Variants in PPP1R15B observed in about 807,000 individuals in gnomAD.
PPP1R15B encodes the protein protein phosphatase 1 regulatory subunit 15B, also known as protein phosphatase 1, regulatory (inhibitor) subunit 15B.
PPP1R15B carries 31 observed loss-of-function variants against 53.9 expected under a neutral mutation model. The ratio of observed to expected loss-of-function variants is 0.58; its 90% CI spans 0.43 to 0.78. The LOEUF is 0.78. Among genes scored for constraint, PPP1R15B ranks in the 30% least tolerant of loss-of-function variants. The pLI is 0.00. For synonymous variants in PPP1R15B, 345 were observed against 329.1 expected, an observed-to-expected ratio of 1.05 and a Z score of -0.52; for missense variants, 928 against 849.6, an observed-to-expected ratio of 1.09 and a Z score of -1.15.
rs1226757703 is a variant in PPP1R15B at position 204,411,770 on chromosome 1, G to A, written c.-359C>T. 1 of 302,338 alleles carries A rather than the reference G, an allele frequency of 3.3e-6. No individual in the cohort carries two copies. 18.7% of individuals were successfully genotyped at this position (302,338 alleles called of 1,614,324 possible). On this transcript the variant is annotated 5_prime_UTR_variant, in exon 1 of 2. Transcript: ENST00000367188. ...AAAAGCCCCTGAGCAACGCGATACCGGAAGGACTGGGTAGGCCGGCTGGTG... is the reference window on the plus strand; with the variant it reads ...AAAAGCCCCTGAGCAACGCGATACCAGAAGGACTGGGTAGGCCGGCTGGTG...
At position 204,411,042 on chromosome 1, in the gene PPP1R15B, A is replaced by G. The variant is rs770368076; in HGVS notation, c.370T>C (p.Leu124=). Residue 124 remains leucine, a synonymous_variant, in exon 1 of 2, where the codon TTG becomes CTG. Transcript: ENST00000367188. The part of the protein sequence containing the change: ...KPAAPTAQKS[L]SSLQLDSSDP... ...GAGGAGTCGAGCTGCAGCGAACTCA[A>G]AGATTTCTGCGCTGTGGGGGCGGCT... 5.0e-6 allele frequency: 8 copies of G among 1,614,160 alleles called. No individual in the cohort carries two copies. The highest frequency in any genetic ancestry group is 3.4e-6 in the Non-Finnish European group (4 of 1,180,016).
chr1:204,408,380 T>C (rs1558215725), intron 1 of PPP1R15B, among the ~76,000 whole-genome samples: 1 of 152,262 alleles, frequency 6.6e-6, no homozygotes, highest in Non-Finnish European at 1.5e-5. Context: ...ATTTAATCTT[T>C]AACATGACTT....
At chr1:204,400,349 A>T (rs2942129), downstream of PPP1R15B, among the ~76,000 whole-genome samples, 126,814 of 151,070 alleles carry the variant, frequency 0.84, 53,891 homozygotes, top group Non-Finnish European at 0.91. Context: ...CATCTTTTTT[A>T]TTTTCAACAT....
downstream of PPP1R15B, chr1:204,400,847 A>C (rs1397972918): frequency 2.7e-6 from 1 of 374,408 alleles, no homozygotes; most frequent in African/African-American, 2.1e-5. Flanking sequence ...GGAAACATAA[A>C]GGATATTACT....
At position 204,405,852 on chromosome 1, in the gene PPP1R15B, C is replaced by A. The variant is rs75289486; in HGVS notation, c.*240G>T. 9 of 1,255,494 alleles carry A rather than the reference C, an allele frequency of 7.2e-6. No homozygotes were observed. In the East Asian group the frequency reaches 3.1e-4, roughly 43 times the overall value. 77.8% of individuals were successfully genotyped at this position (1,255,494 alleles called of 1,614,324 possible). On this transcript the variant is annotated 3_prime_UTR_variant, in exon 2 of 2. Transcript: ENST00000367188. Reference sequence around the variant, plus strand: ...AGGCAAAGGACATTTAAAAGCACATCCAACTAAATCAAAAAAGGGAGGATT... The same window carrying A: ...AGGCAAAGGACATTTAAAAGCACATACAACTAAATCAAAAAAGGGAGGATT...
chr1:204,405,477 T>C lies in PPP1R15B; in HGVS notation c.*615A>G, dbSNP rs1674248905. Reference sequence around the variant, plus strand: ...GAAATATCCTAGGTAGAACTTAATGTAGAAATAAAAAGGCTACCACATATT... The same window carrying C: ...GAAATATCCTAGGTAGAACTTAATGCAGAAATAAAAAGGCTACCACATATT... On this transcript the variant is annotated 3_prime_UTR_variant, in exon 2 of 2. Coordinates refer to ENST00000367188, the MANE Select transcript of PPP1R15B (RefSeq NM_032833.5). 1 of 983,624 alleles carries C rather than the reference T, an allele frequency of 1.0e-6. No homozygotes were observed. The highest frequency in any genetic ancestry group is 1.8e-5 in the African/African-American group (1 of 57,122). 60.9% of individuals were successfully genotyped at this position (983,624 alleles called of 1,614,324 possible).
chr1:204,404,595 T>G lies in PPP1R15B; in HGVS notation c.*1497A>C. On this transcript the variant is annotated 3_prime_UTR_variant, in exon 2 of 2. Coordinates refer to ENST00000367188, the MANE Select transcript of PPP1R15B (RefSeq NM_032833.5). ...TGTTTAATTATGAATATATAAACAGTGGAGGCAGTTCTTAGAACTGGATAG... is the reference window on the plus strand; with the variant it reads ...TGTTTAATTATGAATATATAAACAGGGGAGGCAGTTCTTAGAACTGGATAG... The G allele has an allele frequency of 4.1e-6, 4 of 985,076 alleles. No homozygotes were observed. The highest frequency in any genetic ancestry group is 4.8e-6 in the Non-Finnish European group (4 of 829,322). The allele number at this position is 985,076 out of a possible 1,614,324, so 61.0% of individuals were successfully genotyped here.
rs1174050922 is a variant in PPP1R15B at position 204,405,855 on chromosome 1, A to T, written c.*237T>A. 2 of 1,267,944 alleles carry T rather than the reference A, an allele frequency of 1.6e-6. No homozygotes were observed. The highest frequency in any genetic ancestry group is 3.7e-5 in the Admixed American group (1 of 27,290). The allele number at this position is 1,267,944 out of a possible 1,614,324, so 78.5% of individuals were successfully genotyped here. On this transcript the variant is annotated 3_prime_UTR_variant, in exon 2 of 2. Transcript: ENST00000367188. ...CAAAGGACATTTAAAAGCACATCCA[A>T]CTAAATCAAAAAAGGGAGGATTAGA... is the stretch of plus-strand genomic sequence containing the variant.
In PPP1R15B at chr1:204,404,155, T is replaced by C. The variant is rs1674223549; in HGVS notation, c.*1937A>G. ...TTGCTGTTGCTTGAAACTAGCCTGT[T>C]TTCATGTTATTAGACCATCCTGTAA... On this transcript the variant is annotated 3_prime_UTR_variant, in exon 2 of 2. Transcript: ENST00000367188. 4.1e-6 allele frequency: 4 copies of C among 985,276 alleles called. No individual in the cohort carries two copies. The highest frequency in any genetic ancestry group is 4.8e-6 in the Non-Finnish European group (4 of 829,940). The allele number at this position is 985,276 out of a possible 1,614,324, so 61.0% of individuals were successfully genotyped here.
Position 204,411,599 on chromosome 1 carries a change from G to C in PPP1R15B, c.-188C>G, listed in dbSNP as rs549775777. On this transcript the variant is annotated 5_prime_UTR_variant, in exon 1 of 2. Coordinates refer to ENST00000367188, the MANE Select transcript of PPP1R15B (RefSeq NM_032833.5). ...GCGGCAGCGGGCGGCAGAACACAGG[G>C]AAGAACAGCCCGCGCAATAGGCGGC... The C allele has an allele frequency of 1.4e-5, 10 of 725,470 alleles. No homozygotes were observed. The highest frequency in any genetic ancestry group is 2.7e-5 in the East Asian group (1 of 37,380). 44.9% of individuals were successfully genotyped at this position (725,470 alleles called of 1,614,324 possible).
downstream of PPP1R15B, among the ~76,000 whole-genome samples, chr1:204,396,390 A>T (rs111865375): frequency 7.2e-6 from 1 of 138,904 alleles, no homozygotes. Flanking sequence ...AAACAAAAAA[A>T]AAAAAACAAA....
At chr1:204,406,786 G>A (rs1018390610) in intron 1 of PPP1R15B, among the ~76,000 whole-genome samples, 3 of 151,836 alleles carry the variant, frequency 2.0e-5, no homozygotes, top group African/African-American at 7.3e-5. Flanking sequence ...ATGGCATTTG[G>A]ATAAAATAGT....
downstream of PPP1R15B, among the ~76,000 whole-genome samples, chr1:204,396,283 A>T (rs948953995): frequency 1.3e-5 from 2 of 151,484 alleles, no homozygotes; most frequent in Admixed American, 6.6e-5. Context: ...CAAAACAGGC[A>T]GATCTCTTGA....
chr1:204,406,158 T>C lies in PPP1R15B; in HGVS notation c.2076A>G (p.Arg692=). 6.2e-7 allele frequency: 1 copy of C among 1,614,168 alleles called. No homozygotes were observed. The highest frequency in any genetic ancestry group is 8.5e-7 in the Non-Finnish European group (1 of 1,180,002). ...CCTGGAGTCTATTAAACATTCTTTC[T>C]CTGTGTTCAAATGTCAAGCAATATC... ...AIGYCLTFEH[R]ERMFNRLQGT... Residue 692 remains arginine (R), a synonymous_variant, in exon 2 of 2, where the codon AGA becomes AGG. Transcript: ENST00000367188.
chr1:204,400,591 G>T, downstream of PPP1R15B: 1 of 211,668 alleles, frequency 4.7e-6, no homozygotes, highest in Non-Finnish European at 8.2e-6. Flanking sequence ...CTCCCAAAGT[G>T]CTGGGATTAC....
At chr1:204,403,082 A>G (rs1320180632), downstream of PPP1R15B, among the ~76,000 whole-genome samples, 6 of 152,016 alleles carry the variant, frequency 3.9e-5, no homozygotes, top group African/African-American at 1.4e-4. Context: ...AATAATAATA[A>G]TAATAATGCA....
chr1:204,400,734 G>A, downstream of PPP1R15B: 1 of 981,466 alleles, frequency 1.0e-6, no homozygotes, highest in Non-Finnish European at 1.2e-6. Context: ...TCGCATCTCT[G>A]GCAATTGTGC....
At chr1:204,397,397 G>A (rs750950976), downstream of PPP1R15B, among the ~76,000 whole-genome samples, 13 of 151,682 alleles carry the variant, frequency 8.6e-5, no homozygotes, top group South Asian at 2.1e-4. Flanking sequence ...GTGGTGGCAC[G>A]CGCCTGTAGT....
chr1:204,403,311 T>C (rs1674208987), downstream of PPP1R15B: 2 of 514,936 alleles, frequency 3.9e-6, no homozygotes, highest in Non-Finnish European at 5.0e-6. Context: ...ATACTAATCC[T>C]GCTTAGTAAT....
Sources: allele counts gnomAD v4.1 joint callset (sites outside exome capture counted in the v4.1 genomes callset), GRCh38; gene constraint gnomAD v4.1.1; transcripts MANE v1.5; gene names NCBI Gene and HGNC (gene_info 2026-07-23, HGNC 2026-07-21).